ACAP1: variants seen among roughly 807,000 people sequenced by gnomAD.
The protein encoded by ACAP1 is ArfGAP with coiled-coil, ankyrin repeat and PH domains 1.
ACAP1 carries 45 observed loss-of-function variants against 98.8 expected under a neutral mutation model. The observed-to-expected ratio is 0.46, with a 90% confidence interval of 0.36 to 0.58. The LOEUF is 0.58. Among genes scored for constraint, ACAP1 ranks in the 20% least tolerant of loss-of-function variants. ACAP1 has a pLI of 0.00. For missense variants in ACAP1, 735 were observed against 971.4 expected (o/e 0.76, Z 3.24); for synonymous variants, 362 against 375.3 (o/e 0.96, Z 0.41).
Position 7,350,853 on chromosome 17 carries a change from G to T in ACAP1, c.2073-97G>T. The T allele has an allele frequency of 5.0e-6, 6 of 1,199,612 alleles. No individual in the cohort carries two copies. In the South Asian group the frequency reaches 7.5e-5, roughly 15 times the overall value. The allele number at this position is 1,199,612 out of a possible 1,614,324, so 74.3% of individuals were successfully genotyped here. A position where few individuals can be genotyped will look rare whatever the true frequency, so the allele number is the denominator to read the frequency against. On this transcript the variant is annotated intron_variant, in intron 20 of 21. Transcript: ENST00000158762. The surrounding 1 kb of genome is among the most constrained non-coding windows in gnomAD (Gnocchi z 4.6). ...TCTCGATCTCCTGACCTCGTGATCC[G>T]CCTGCCTCGGCCTCCCAAAGTGTTG...
chr17:7,350,200 A>T lies in ACAP1; in HGVS notation c.2035A>T (p.Ile679Phe). Reference protein sequence around the residue: ...RDSEGRDPLTIAMETANADIV... With the variant: ...RDSEGRDPLTFAMETANADIV... ...CTCTGAAGGCAGGGACCCTCTGACC[A>T]TCGCCATGGAAACAGCCAACGCTGA... The change falls in exon 20 of 22, where the codon ATC (isoleucine) becomes TTC (phenylalanine). Residue 679 changes from isoleucine to phenylalanine, a missense_variant. Ile to Phe is a conservative substitution (Grantham distance 21, BLOSUM62 0). Transcript: ENST00000158762. This position sits in a 1 kb window ranked among gnomAD's most constrained non-coding sequence, Gnocchi z 4.6. The T allele has an allele frequency of 6.2e-7, 1 of 1,614,134 alleles. No homozygotes were observed. Among genetic ancestry groups the T allele is most frequent in the Non-Finnish European group, 8.5e-7 (1 of 1,180,022 alleles).
chr17:7,348,445 C>G lies in ACAP1; in HGVS notation c.1648C>G (p.Pro550Ala). Residue 550 changes from proline to alanine, a missense_variant, in exon 17 of 22, where the codon CCC becomes GCC. Pro to Ala is a conservative substitution (Grantham distance 27). This residue lies in a region of ACAP1 where 80 missense variants were observed against 64.4 expected (regional missense o/e 1.24). Coordinates refer to ENST00000158762, the MANE Select transcript of ACAP1 (RefSeq NM_014716.4). ...PPVPPKPSIR[P>A]RPGSLRSKPE... is the part of the protein sequence containing the mutation. ...TGTGCCCCCAAAGCCTTCCATCAGG[C>G]CCCGGCCAGGGAGCTTGAGATCCAA... is the stretch of plus-strand genomic sequence containing the variant. The G allele has an allele frequency of 6.7e-7, 1 of 1,492,082 alleles. No individual in the cohort carries two copies. Among genetic ancestry groups the G allele is most frequent in the East Asian group, 2.3e-5 (1 of 42,958 alleles). The allele number at this position is 1,492,082 out of a possible 1,614,324, so 92.4% of individuals were successfully genotyped here. A position where few individuals can be genotyped will look rare whatever the true frequency, so the allele number is the denominator to read the frequency against.
chr17:7,342,124 G>A, intron 3 of ACAP1, 57 bp downstream of exon 3: 1 of 1,609,270 alleles, frequency 6.2e-7, no homozygotes, highest in Non-Finnish European at 8.5e-7. Flanking sequence ...AGGTGATGCT[G>A]TGGAAGAGGA....
intron 2 of ACAP1, among the ~76,000 whole-genome samples, chr17:7,340,673 C>T (rs1182762462): frequency 2.0e-5 from 3 of 152,158 alleles, no homozygotes; most frequent in Non-Finnish European, 2.9e-5. Context: ...GGTGAAACCC[C>T]GTCTCTACTA....
rs2073402197 is a variant in ACAP1 at position 7,350,921 on chromosome 17, C to T, written c.2073-29C>T. The T allele has an allele frequency of 6.2e-7, 1 of 1,613,286 alleles. No individual in the cohort carries two copies. Among genetic ancestry groups the T allele is most frequent in the Non-Finnish European group, 8.5e-7 (1 of 1,179,314 alleles). Reference sequence around the variant, plus strand: ...CACCGCGCCCGGCCAAAGATAGTGTCGTTCATTTCTTAATTCCCTCCTCTT... The same window carrying T: ...CACCGCGCCCGGCCAAAGATAGTGTTGTTCATTTCTTAATTCCCTCCTCTT... On this transcript the variant is annotated intron_variant, in intron 20 of 21. Transcript: ENST00000158762. The surrounding 1 kb of genome is among the most constrained non-coding windows in gnomAD (Gnocchi z 4.6).
In ACAP1 at chr17:7,343,197, C is replaced by T. The variant is rs1228253646; in HGVS notation, c.345-182C>T. The T allele has an allele frequency of 2.4e-5, 14 of 579,704 alleles. No individual in the cohort carries two copies. The highest frequency in any genetic ancestry group is 4.1e-5 in the Non-Finnish European group (14 of 340,168). 35.9% of individuals were successfully genotyped at this position (579,704 alleles called of 1,614,324 possible). On this transcript the variant is annotated intron_variant, in intron 5 of 21. Transcript: ENST00000158762. The surrounding 1 kb of genome is among the most constrained non-coding windows in gnomAD (Gnocchi z 4.9). ...GCCCTCTTCCCATGGCCACAGGAGC[C>T]TCCCCAGTGACGGAGTTGTGAGATT... is the stretch of plus-strand genomic sequence containing the variant.
Position 7,343,721 on chromosome 17 carries a change from G to C in ACAP1, c.544G>C (p.Asp182His), listed in dbSNP as rs1275258303. The change falls in exon 7 of 22, where the codon GAC becomes CAC. Residue 182 changes from aspartate (D) to histidine (H), a missense_variant. Around this residue, in one of 5 missense-constraint regions of ACAP1, gnomAD observed 430 missense variants for 531.8 expected, o/e 0.81. Transcript: ENST00000158762. The surrounding 1 kb of genome is among the most constrained non-coding windows in gnomAD (Gnocchi z 4.9). ...ACGTCCTCAGATCAACGTGATTGAG[G>C]ACAAGAGGAAGTTTGACATCATGGA... ...DYALQINVIE[D>H]KRKFDIMEFV... 3.1e-6 allele frequency: 5 copies of C among 1,613,996 alleles called. No homozygotes were observed. The highest frequency in any genetic ancestry group is 3.4e-6 in the Non-Finnish European group (4 of 1,180,018).
chr17:7,347,997 T>A lies in ACAP1; in HGVS notation c.1413+6T>A. 1 of 1,613,868 alleles carries A rather than the reference T, an allele frequency of 6.2e-7. No homozygotes were observed. Among genetic ancestry groups the A allele is most frequent in the African/African-American group, 1.3e-5 (1 of 75,066 alleles). ...GGGAGCCAGAACTAGTGAAGGTAACTTAGCGTATTGTGAAGATTGGGGGCA... is the reference window on the plus strand; with the variant it reads ...GGGAGCCAGAACTAGTGAAGGTAACATAGCGTATTGTGAAGATTGGGGGCA... On this transcript the variant is annotated splice_donor_region_variant and intron_variant, in intron 15 of 21. Transcript: ENST00000158762.
chr17:7,347,118 G>A lies in ACAP1; in HGVS notation c.1219G>A (p.Val407Met), dbSNP rs144821659. 33 of 1,613,968 alleles carry A rather than the reference G, an allele frequency of 2.0e-5. No homozygotes were observed. The highest frequency in any genetic ancestry group is 6.7e-5 in the African/African-American group (5 of 75,050). The change falls in exon 14 of 22, where the codon GTG (valine) becomes ATG (methionine). Residue 407 changes from valine to methionine, a missense_variant. Physicochemically the swap from Val to Met is conservative, Grantham distance 21. Around this residue, in one of 5 missense-constraint regions of ACAP1, gnomAD observed 430 missense variants for 531.8 expected, o/e 0.81. Coordinates refer to ENST00000158762, the MANE Select transcript of ACAP1 (RefSeq NM_014716.4). ...AAGGGAGCCTGGGGGAGTCGGGCAC[G>A]TGGTGGCCCAGGTCCAGAGTGTGGA... ...RGREPGGVGHVVAQVQSVDGN... is the reference protein window; with the variant it reads ...RGREPGGVGHMVAQVQSVDGN...
In ACAP1 at chr17:7,347,988, G is replaced by C. The variant is rs1219579706; in HGVS notation, c.1410G>C (p.Val470=). The change falls in exon 15 of 22, where the codon GTG becomes GTC. Residue 470 remains valine, a synonymous_variant. Coordinates refer to ENST00000158762, the MANE Select transcript of ACAP1 (RefSeq NM_014716.4). ...TTGACTCATGGGAGCCAGAACTAGT[G>C]AAGGTAACTTAGCGTATTGTGAAGA... ...LTLDSWEPEL[V]KLMCELGNVI... is the part of the protein sequence containing the mutation. 1 of 1,614,194 alleles carries C rather than the reference G, an allele frequency of 6.2e-7. No individual in the cohort carries two copies. Among genetic ancestry groups the C allele is most frequent in the Admixed American group, 1.7e-5 (1 of 60,024 alleles).
At chr17:7,337,477 T>C in intron 2 of ACAP1, 108 bp downstream of exon 2, 1 of 1,017,728 alleles carries the variant, frequency 9.8e-7, no homozygotes, top group Non-Finnish European at 1.5e-6. Context: ...TTGAATACTG[T>C]GTAGGGGAGA....
chr17:7,348,190 G>A lies in ACAP1; in HGVS notation c.1477G>A (p.Ala493Thr). The change falls in exon 16 of 22, where the codon GCA becomes ACA. Residue 493 changes from alanine to threonine, a missense_variant. By Grantham distance (58) the Ala-to-Thr change is moderately conservative. Around this residue, in one of 5 missense-constraint regions of ACAP1, gnomAD observed 81 missense variants for 132.0 expected, o/e 0.61. Coordinates refer to ENST00000158762, the MANE Select transcript of ACAP1 (RefSeq NM_014716.4). Reference protein sequence around the residue: ...QIYEARVEAMAVKKPGPSCSR... With the variant: ...QIYEARVEAMTVKKPGPSCSR... ...CTATGAGGCCCGCGTGGAGGCCATG[G>A]CAGTGAAGAAACCAGGGCCCAGCTG... 6.2e-7 allele frequency: 1 copy of A among 1,614,052 alleles called. No individual in the cohort carries two copies. Among genetic ancestry groups the A allele is most frequent in the Non-Finnish European group, 8.5e-7 (1 of 1,179,960 alleles).
rs561591497 is a variant in ACAP1 at position 7,339,155 on chromosome 17, C to T, written c.111+1786C>T. ...AATACAAAAAATTATTCGGGTGTGG[C>T]GGCAGGCGCCTGTAGTCCCAGCTAC... On this transcript the variant is annotated intron_variant, in intron 2 of 21. Transcript: ENST00000158762. Among the ~76,000 whole-genome samples, 70 of 151,778 alleles carry T rather than the reference C, an allele frequency of 4.6e-4. 1 individual carries two copies. In the South Asian group the frequency reaches 8.8e-3, roughly 19 times the overall value.
Position 7,350,269 on chromosome 17 carries a change from T to G in ACAP1, c.2072+32T>G, listed in dbSNP as rs756419576. On this transcript the variant is annotated intron_variant, in intron 20 of 21. Transcript: ENST00000158762. This position sits in a 1 kb window ranked among gnomAD's most constrained non-coding sequence, Gnocchi z 4.6. ...ATGCCTGAAGGGGCGGGGCTGGCGC[T>G]GGGACTCCCCCCACCCCCGCCCACC... 2.0e-6 allele frequency: 3 copies of G among 1,538,000 alleles called. No individual in the cohort carries two copies. The highest frequency in any genetic ancestry group is 1.1e-5 in the South Asian group (1 of 89,436).
chr17:7,350,965 G>C lies in ACAP1; in HGVS notation c.2088G>C (p.Lys696Asn). 1 of 1,614,048 alleles carries C rather than the reference G, an allele frequency of 6.2e-7. No homozygotes were observed. The highest frequency in any genetic ancestry group is 1.7e-5 in the Admixed American group (1 of 60,022). The change falls in exon 21 of 22, where the codon AAG becomes AAC. Residue 696 changes from lysine to asparagine, a missense_variant. Lys to Asn is a moderately conservative substitution (Grantham distance 94). Transcript: ENST00000158762. The surrounding 1 kb of genome is among the most constrained non-coding windows in gnomAD (Gnocchi z 4.6). Reference sequence around the variant, plus strand: ...TCCTCTTCAGGCTACGACTGGCAAAGATGAGGGAGGCTGAAGCGGCCCAGG... The same window carrying C: ...TCCTCTTCAGGCTACGACTGGCAAACATGAGGGAGGCTGAAGCGGCCCAGG... Reference protein sequence around the residue: ...ADIVTLLRLAKMREAEAAQGQ... With the variant: ...ADIVTLLRLANMREAEAAQGQ...
At chr17:7,342,192 A>T (rs1259203304) in intron 3 of ACAP1, 83 bp from the exon 4 acceptor site, 4 of 1,607,322 alleles carry the variant, frequency 2.5e-6, no homozygotes, top group African/African-American at 2.7e-5. Flanking sequence ...GCTGTCCATG[A>T]CAGCCGTAGC....
chr17:7,346,754 C>T (rs1317761093), intron 12 of ACAP1, 54 bp from the exon 13 acceptor site: 1 of 1,565,762 alleles, frequency 6.4e-7, no homozygotes, highest in East Asian at 2.3e-5. Flanking sequence ...CATGCTGCCA[C>T]TTTGCTTCCC....
chr17:7,348,394 CG>C lies in ACAP1; in HGVS notation c.1602del (p.Arg535AlafsTer21), dbSNP rs1238260320. On this transcript the variant is annotated frameshift_variant, in exon 17 of 22. Coordinates refer to ENST00000158762, the MANE Select transcript of ACAP1 (RefSeq NM_014716.4). LOFTEE classifies it high-confidence loss of function. ...TGAGATTCGAGGGCGAAGAGGTGGC[CG>C]GGGGCGCCCAAGGGGGCAGCCTCCT... ...LPEIRGRRGG[R>X]GRPRGQPPVP... 7.1e-6 allele frequency: 11 copies of C among 1,558,320 alleles called. No individual in the cohort carries two copies. The highest frequency in any genetic ancestry group is 2.3e-5 in the East Asian group (1 of 44,112).
Position 7,351,362 on chromosome 17 carries a change from G to C in ACAP1, c.2190G>C (p.Leu730=). Residue 730 remains leucine, a synonymous_variant, in exon 22 of 22, where the codon CTG becomes CTC. Coordinates refer to ENST00000158762, the MANE Select transcript of ACAP1 (RefSeq NM_014716.4). ...TGGCGTCAGACGACCCGGAGAAGCT[G>C]AGCCGTCGCAGTCATGACCTCCACA... ...SLMASDDPEK[L]SRRSHDLHTL 1 of 1,613,612 alleles carries C rather than the reference G, an allele frequency of 6.2e-7. No individual in the cohort carries two copies.
Sources: allele counts gnomAD v4.1 joint callset (sites outside exome capture counted in the v4.1 genomes callset), GRCh38; gene constraint gnomAD v4.1.1; regional missense constraint gnomAD v4.1.1; non-coding constraint Gnocchi (gnomAD v3.1); transcripts MANE v1.5; gene names NCBI Gene and HGNC (gene_info 2026-07-23, HGNC 2026-07-21).